The following RTN1 variants were observed in gnomAD, a reference collection of about 807,000 sequenced individuals.
RTN1 encodes reticulon-1.
Under a neutral mutation model 65.5 loss-of-function variants are expected in RTN1, and 25 were observed. That is an observed-to-expected ratio of 0.38 (90% CI 0.28 to 0.53). The LOEUF (loss-of-function observed/expected upper bound fraction) is 0.53. Ranked by LOEUF, RTN1 falls within the 20% of genes least tolerant of loss-of-function variation. The probability of loss-of-function intolerance (pLI) is 0.79; values close to 1 mark genes in which losing one functional copy is unlikely to be tolerated. For synonymous variants in RTN1, 471 were observed against 447.6 expected, an observed-to-expected ratio of 1.05 and a Z score of -0.66; for missense variants, 983 against 1,025.4, an observed-to-expected ratio of 0.96 and a Z score of 0.57.
chr14:59,848,058 T>A (rs1022725800), intron 1 of RTN1, among the ~76,000 whole-genome samples: 1 of 152,210 alleles, frequency 6.6e-6, no homozygotes, highest in Non-Finnish European at 1.5e-5. Context: ...CACTTTCATC[T>A]TTCATCTGAG....
At chr14:59,771,494 C>T (rs1402401482) in intron 1 of RTN1, among the ~76,000 whole-genome samples, 1 of 152,184 alleles carries the variant, frequency 6.6e-6, no homozygotes, top group Non-Finnish European at 1.5e-5. Flanking sequence ...CCATAAAATG[C>T]CATGCCTAAA....
At chr14:59,853,396 C>T (rs1190251352) in intron 1 of RTN1, among the ~76,000 whole-genome samples, 14 of 152,200 alleles carry the variant, frequency 9.2e-5, no homozygotes. Flanking sequence ...GATCCATCCG[C>T]CAGTCACATA....
At chr14:59,650,721 T>A (rs976571951) in intron 3 of RTN1, among the ~76,000 whole-genome samples, 3 of 152,010 alleles carry the variant, frequency 2.0e-5, no homozygotes, top group Middle Eastern at 3.2e-3. Context: ...ATCTCTACAA[T>A]GAAAATTACA....
chr14:59,799,896 A>G (rs1414430400), intron 1 of RTN1, among the ~76,000 whole-genome samples: 1 of 152,200 alleles, frequency 6.6e-6, no homozygotes, highest in Non-Finnish European at 1.5e-5. Flanking sequence ...GTAGAGGTGC[A>G]TGAACACTGA....
At chr14:59,675,684 T>A (rs987641296) in intron 3 of RTN1, among the ~76,000 whole-genome samples, 1 of 151,946 alleles carries the variant, frequency 6.6e-6, no homozygotes, top group Non-Finnish European at 1.5e-5. Flanking sequence ...AAGTAACTTG[T>A]CTAAAGTCAC....
chr14:59,810,196 G>T (rs1453318717), intron 1 of RTN1, among the ~76,000 whole-genome samples: 1 of 152,126 alleles, frequency 6.6e-6, no homozygotes, highest in Non-Finnish European at 1.5e-5. Flanking sequence ...CCAGGCAAAA[G>T]GCAGGTTTGT....
intron 1 of RTN1, among the ~76,000 whole-genome samples, chr14:59,768,647 C>T (rs1189544266): frequency 6.6e-6 from 1 of 152,068 alleles, no homozygotes; most frequent in African/African-American, 2.4e-5. Flanking sequence ...CCTGGGATAA[C>T]CTTATTAGAA....
chr14:59,802,694 T>C (rs974201985), intron 1 of RTN1, among the ~76,000 whole-genome samples: 4 of 152,208 alleles, frequency 2.6e-5, no homozygotes, highest in Non-Finnish European at 5.9e-5. Flanking sequence ...AGGAAGCTTC[T>C]CAGATAGCTC....
intron 2 of RTN1, among the ~76,000 whole-genome samples, chr14:59,729,018 G>T (rs1884841869): frequency 6.6e-6 from 1 of 152,134 alleles, no homozygotes; most frequent in Non-Finnish European, 1.5e-5. Context: ...CACAAGTTCT[G>T]GGTCAGGGTG....
At chr14:59,866,822 A>G (rs1053004875) in intron 1 of RTN1, among the ~76,000 whole-genome samples, 28 of 152,326 alleles carry the variant, frequency 1.8e-4, no homozygotes, top group African/African-American at 4.3e-4. Flanking sequence ...CAAATAAAAA[A>G]TGTCTACACA....
chr14:59,745,093 G>A (rs1425965536), intron 2 of RTN1, among the ~76,000 whole-genome samples: 1 of 152,090 alleles, frequency 6.6e-6, no homozygotes, highest in African/African-American at 2.4e-5. Context: ...GGCTTTATAT[G>A]AAGAATAAGA....
intron 6 of RTN1, 62 bp downstream of exon 6, chr14:59,603,790 T>A: frequency 7.4e-7 from 1 of 1,353,958 alleles, no homozygotes; most frequent in Admixed American, 1.7e-5. Context: ...GCTTACAGCC[T>A]AGGAAGCAGC....
intron 1 of RTN1, among the ~76,000 whole-genome samples, chr14:59,796,210 T>G (rs2139594883): frequency 6.6e-6 from 1 of 152,348 alleles, no homozygotes; most frequent in African/African-American, 2.4e-5. Flanking sequence ...TACAGTAACA[T>G]GCTATACAGG....
chr14:59,641,113 C>T (rs899067215), intron 3 of RTN1, among the ~76,000 whole-genome samples: 11 of 151,930 alleles, frequency 7.2e-5, no homozygotes, highest in African/African-American at 1.9e-4. Flanking sequence ...CATGTGCCAC[C>T]GCACGTGGCT....
chr14:59,607,539 C>T (rs745966531), intron 3 of RTN1, 47 bp from the exon 4 acceptor site: 1 of 1,507,422 alleles, frequency 6.6e-7, no homozygotes, highest in East Asian at 2.4e-5. Flanking sequence ...GCAGTGCCGC[C>T]ACATGAGCCG....
intron 3 of RTN1, among the ~76,000 whole-genome samples, chr14:59,696,238 C>T (rs1195383860): frequency 1.3e-5 from 2 of 152,184 alleles, no homozygotes; most frequent in Non-Finnish European, 1.5e-5. Flanking sequence ...AATGACCTTG[C>T]TTTTAAAAGC....
chr14:59,749,625 C>T (rs1291896461), intron 1 of RTN1, among the ~76,000 whole-genome samples: 676 of 25,244 alleles, frequency 0.027, 31 homozygotes, highest in African/African-American at 0.12. Flanking sequence ...ATATAGATAT[C>T]TATATATAGA....
chr14:59,734,961 G>GA (rs1049301228), intron 2 of RTN1, among the ~76,000 whole-genome samples: 7 of 151,942 alleles, frequency 4.6e-5, no homozygotes, highest in Non-Finnish European at 7.4e-5. Context: ...CAAAATGAAA[G>GA]AAAAAATGTT....
chr14:59,607,654 G>A, intron 3 of RTN1, 162 bp from the exon 4 acceptor site: 1 of 634,238 alleles, frequency 1.6e-6, no homozygotes, highest in Non-Finnish European at 2.8e-6. Context: ...GGCACTTACT[G>A]TCATTCCACT....
Sources: allele counts gnomAD v4.1 joint callset (sites outside exome capture counted in the v4.1 genomes callset), GRCh38; gene constraint gnomAD v4.1.1; transcripts MANE v1.5; gene names NCBI Gene and HGNC (gene_info 2026-07-23, HGNC 2026-07-21).